ADCY2: variants seen among roughly 807,000 people sequenced by gnomAD.
The protein encoded by ADCY2 is adenylate cyclase type 2.
Under a neutral mutation model 125.2 loss-of-function variants are expected in ADCY2, and 31 were observed. That is an observed-to-expected ratio of 0.25 (90% CI 0.19 to 0.33). The LOEUF (loss-of-function observed/expected upper bound fraction) is 0.33, where lower values mean the gene tolerates loss of function less well. Ranked by LOEUF, ADCY2 falls within the 10% of genes least tolerant of loss-of-function variation. The pLI is 1.00. For missense variants in ADCY2, 904 were observed against 1,418.2 expected (o/e 0.64, Z 5.82); for synonymous variants, 512 against 548.4 (o/e 0.93, Z 0.93).
chr5:7,535,613 T>C (rs1450457860), intron 3 of ADCY2, among the ~76,000 whole-genome samples: 4 of 152,220 alleles, frequency 2.6e-5, no homozygotes, highest in Admixed American at 2.6e-4. Flanking sequence ...TTTGATGTTA[T>C]TCTCTTGTTT....
intron 2 of ADCY2, among the ~76,000 whole-genome samples, chr5:7,452,248 C>A (rs1483032733): frequency 3.3e-5 from 5 of 152,114 alleles, no homozygotes; most frequent in African/African-American, 1.2e-4. Flanking sequence ...CATCCTCCTC[C>A]TGCCCTCCCC....
intron 2 of ADCY2, among the ~76,000 whole-genome samples, chr5:7,444,109 CTCTTT>C (rs1381864494): frequency 7.7e-6 from 1 of 130,388 alleles, no homozygotes; most frequent in East Asian, 2.1e-4. Flanking sequence ...TGGTTTTTAT[CTCTTT>C]TTTTTTTTTT....
chr5:7,644,005 G>A (rs1343074830), intron 4 of ADCY2, among the ~76,000 whole-genome samples: 1 of 151,690 alleles, frequency 6.6e-6, no homozygotes, highest in Non-Finnish European at 1.5e-5. Flanking sequence ...AATAATGCAT[G>A]TCTGTGTTAT....
At chr5:7,408,666 C>T (rs1014371854) in intron 1 of ADCY2, among the ~76,000 whole-genome samples, 1 of 152,032 alleles carries the variant, frequency 6.6e-6, no homozygotes, top group African/African-American at 2.4e-5. Context: ...CCGTGCCTAG[C>T]CAGGTGGCTA....
At chr5:7,613,501 C>A (rs900953522) in intron 3 of ADCY2, among the ~76,000 whole-genome samples, 3 of 152,166 alleles carry the variant, frequency 2.0e-5, no homozygotes, top group African/African-American at 7.2e-5. Context: ...GGGGTGGGGT[C>A]CCCAGGTCAC....
At chr5:7,498,632 A>G (rs1743434966) in intron 2 of ADCY2, among the ~76,000 whole-genome samples, 1 of 152,224 alleles carries the variant, frequency 6.6e-6, no homozygotes, top group South Asian at 2.1e-4. Context: ...ACTATAGTTC[A>G]ACATGTGCAC....
In ADCY2 at chr5:7,520,669, A is replaced by T. The variant is rs1268755538; in HGVS notation, c.409-69A>T. 109 of 1,567,052 alleles carry T rather than the reference A, an allele frequency of 7.0e-5. No homozygotes were observed. In the East Asian group the frequency reaches 2.4e-3, roughly 35 times the overall value. On this transcript the variant is annotated intron_variant, in intron 2 of 24. Coordinates refer to ENST00000338316, the MANE Select transcript of ADCY2 (RefSeq NM_020546.3). ...GCTGTTCTATGCAGCCTTTAGTGGC[A>T]TGGAAACAGGAGGCTCTTAGAAACC...
chr5:7,826,939 C>T lies in ADCY2; in HGVS notation c.*68C>T. On this transcript the variant is annotated 3_prime_UTR_variant, in exon 25 of 25. Coordinates refer to ENST00000338316, the MANE Select transcript of ADCY2 (RefSeq NM_020546.3). ...GGTATCACACACTTTCTGACTGCAA[C>T]TTCTGTCCCTTGTTTTTGATGTGCG... 6.5e-7 allele frequency: 1 copy of T among 1,529,866 alleles called. No homozygotes were observed. Among genetic ancestry groups the T allele is most frequent in the Admixed American group, 2.0e-5 (1 of 49,334 alleles). The allele number at this position is 1,529,866 out of a possible 1,614,324, so 94.8% of individuals were successfully genotyped here.
At chr5:7,749,707 AT>A (rs1742742196) in intron 15 of ADCY2, 1 of 152,214 alleles carries the variant, frequency 6.6e-6, no homozygotes, top group African/African-American at 2.4e-5. Context: ...ATGCCAGAAA[AT>A]ATCAGAAGAA....
intron 4 of ADCY2, among the ~76,000 whole-genome samples, chr5:7,630,458 C>A (rs536754704): frequency 6.6e-6 from 1 of 152,192 alleles, no homozygotes; most frequent in Admixed American, 6.5e-5. Context: ...GTCCTGGGTA[C>A]TTTATGTAGT....
intron 4 of ADCY2, among the ~76,000 whole-genome samples, chr5:7,677,394 A>G (rs563519843): frequency 6.6e-6 from 1 of 152,344 alleles, no homozygotes; most frequent in African/African-American, 2.4e-5. Flanking sequence ...GCAGATGGAA[A>G]ACATGAACGG....
chr5:7,416,657 A>G (rs1422755355), intron 2 of ADCY2, among the ~76,000 whole-genome samples: 1 of 152,236 alleles, frequency 6.6e-6, no homozygotes, highest in Non-Finnish European at 1.5e-5. Context: ...TGCAGGATCA[A>G]TATAAAAACA....
chr5:7,776,920 G>T (rs1005770391), intron 18 of ADCY2, among the ~76,000 whole-genome samples: 1 of 152,120 alleles, frequency 6.6e-6, no homozygotes, highest in African/African-American at 2.4e-5. Context: ...CTGCACTGTT[G>T]GTTTCCCTGG....
At chr5:7,487,050 T>G (rs1011284433) in intron 2 of ADCY2, among the ~76,000 whole-genome samples, 2 of 152,200 alleles carry the variant, frequency 1.3e-5, no homozygotes, top group Admixed American at 1.3e-4. Flanking sequence ...AAGCATTAGT[T>G]CGAGTTCATG....
At chr5:7,440,271 G>A (rs1185019058) in intron 2 of ADCY2, among the ~76,000 whole-genome samples, 4 of 152,126 alleles carry the variant, frequency 2.6e-5, no homozygotes, top group Non-Finnish European at 5.9e-5. Flanking sequence ...CTTAGAGATC[G>A]CATTAAATTA....
intron 22 of ADCY2, among the ~76,000 whole-genome samples, chr5:7,810,734 A>T (rs553228578): frequency 8.5e-5 from 13 of 152,254 alleles, no homozygotes; most frequent in African/African-American, 2.6e-4. Context: ...CAGCTGGAGC[A>T]TAGAAGCAAC....
chr5:7,556,470 T>TG (rs1735508976), intron 3 of ADCY2, among the ~76,000 whole-genome samples: 1 of 152,258 alleles, frequency 6.6e-6, no homozygotes, highest in Non-Finnish European at 1.5e-5. Context: ...TTATTGTGAT[T>TG]GTAAACATCT....
At chr5:7,596,261 C>A (rs1035329760) in intron 3 of ADCY2, among the ~76,000 whole-genome samples, 17 of 109,512 alleles carry the variant, frequency 1.6e-4, no homozygotes, top group African/African-American at 5.8e-4. Flanking sequence ...TACCCAAATG[C>A]CCGATCCAAA....
intron 24 of ADCY2, among the ~76,000 whole-genome samples, chr5:7,823,700 T>G (rs1745373761): frequency 6.6e-6 from 1 of 152,190 alleles, no homozygotes; most frequent in Admixed American, 6.5e-5. Flanking sequence ...ATGGCAGTTT[T>G]TAATATGCTT....
Sources: allele counts gnomAD v4.1 joint callset (sites outside exome capture counted in the v4.1 genomes callset), GRCh38; gene constraint gnomAD v4.1.1; transcripts MANE v1.5; gene names NCBI Gene and HGNC (gene_info 2026-07-23, HGNC 2026-07-21).